CASK: variants seen among roughly 807,000 people sequenced by gnomAD.
CASK encodes the protein calcium/calmodulin dependent serine protein kinase, also known as peripheral plasma membrane protein CASK.
A neutral mutation model predicts 82.9 loss-of-function variants in CASK; 4 were observed. The observed-to-expected ratio is 0.05, with a 90% CI of 0.02 to 0.11. The LOEUF (loss-of-function observed/expected upper bound fraction) is 0.11. Among genes scored for constraint, CASK ranks in the 10% least tolerant of loss-of-function variants. The pLI is 1.00. For missense variants in CASK, 358 were observed against 720.9 expected (o/e 0.50, Z 5.76); for synonymous variants, 259 against 253.5 (o/e 1.02, Z -0.20).
At chrX:41,605,441 CAA>C (rs1178495475) in intron 12 of CASK, among the ~76,000 whole-genome samples, 1 of 94,588 alleles carries the variant, frequency 1.1e-5, no homozygotes, top group Non-Finnish European at 2.1e-5. Context: ...CCTGTCTCTT[CAA>C]AAAAAAAAAA....
intron 12 of CASK, among the ~76,000 whole-genome samples, chrX:41,592,703 G>C (rs2065764362): frequency 9.0e-6 from 1 of 111,431 alleles, no homozygotes; most frequent in African/African-American, 3.3e-5. Flanking sequence ...GCTAACTTTT[G>C]AGAGTACTAA....
At chrX:41,890,269 A>G (rs1027323374) in intron 1 of CASK, among the ~76,000 whole-genome samples, 4 of 108,394 alleles carry the variant, frequency 3.7e-5, no homozygotes, top group Non-Finnish European at 7.6e-5. Flanking sequence ...ATTCCACTCT[A>G]TGCTCTGCCT....
At chrX:41,813,875 A>T (rs1474806161) in intron 2 of CASK, among the ~76,000 whole-genome samples, 7 of 111,862 alleles carry the variant, frequency 6.3e-5, no homozygotes, top group African/African-American at 1.6e-4. Context: ...GAATCTACAA[A>T]TAACTCAAAC....
chrX:41,557,320 T>C (rs2065171511), intron 18 of CASK, among the ~76,000 whole-genome samples: 1 of 111,860 alleles, frequency 8.9e-6, no homozygotes, highest in Non-Finnish European at 1.9e-5. Context: ...CATTCATTAA[T>C]CAATTCTTTC....
chrX:41,684,312 T>C (rs942451084), intron 5 of CASK, among the ~76,000 whole-genome samples: 1 of 111,687 alleles, frequency 9.0e-6, no homozygotes, highest in East Asian at 2.8e-4. Flanking sequence ...CTTCCTGATA[T>C]GATGCATTGA....
intron 11 of CASK, among the ~76,000 whole-genome samples, chrX:41,617,418 G>A (rs1439192599): frequency 1.8e-5 from 2 of 112,250 alleles, no homozygotes; most frequent in African/African-American, 6.5e-5. Flanking sequence ...CTATTTTTAA[G>A]TTTCTGTAAT....
chrX:41,661,888 T>C (rs1175387878), intron 7 of CASK, among the ~76,000 whole-genome samples: 1 of 111,027 alleles, frequency 9.0e-6, no homozygotes, highest in East Asian at 2.9e-4. Flanking sequence ...AGGTAAGTGA[T>C]TAGACAGGGC....
chrX:41,772,771 G>A (rs752450020), intron 3 of CASK, among the ~76,000 whole-genome samples: 30 of 110,775 alleles, frequency 2.7e-4, no homozygotes, highest in East Asian at 5.7e-4. Context: ...AGGCCGAGGC[G>A]GGCGGATCAC....
chrX:41,884,985 T>A lies in CASK; in HGVS notation c.60-31758A>T, dbSNP rs1029897826. ...TCTGTTCCACATTGCCAAATTCAATTCTTGATACATACAGAATCCTGTAAC... is the reference window on the plus strand; with the variant it reads ...TCTGTTCCACATTGCCAAATTCAATACTTGATACATACAGAATCCTGTAAC... On this transcript the variant is annotated intron_variant, in intron 1 of 26. Coordinates refer to ENST00000378163, the MANE Select transcript of CASK (RefSeq NM_001367721.1). Among the ~76,000 whole-genome samples, 16 of 112,352 alleles carry A rather than the reference T, an allele frequency of 1.4e-4. No individual in the cohort carries two copies. The Admixed American group carries it at 1.5e-3, about 11-fold the overall frequency.
chrX:41,781,037 C>T (rs1372260222), intron 3 of CASK, among the ~76,000 whole-genome samples: 1 of 107,671 alleles, frequency 9.3e-6, no homozygotes, highest in Non-Finnish European at 1.9e-5. Flanking sequence ...GCCTCTGTGG[C>T]TCAAGTAATT....
intron 3 of CASK, among the ~76,000 whole-genome samples, chrX:41,785,945 T>A (rs2069589768): frequency 8.9e-6 from 1 of 112,230 alleles, no homozygotes; most frequent in South Asian, 3.7e-4. Flanking sequence ...CTTGCTCTGA[T>A]GAAGCCAGCT....
intron 2 of CASK, among the ~76,000 whole-genome samples, chrX:41,799,948 C>A (rs1311784916): frequency 9.3e-6 from 1 of 107,868 alleles, no homozygotes; most frequent in African/African-American, 3.4e-5. Context: ...CGGCTCCATG[C>A]TGTGGAAGGC....
intron 3 of CASK, among the ~76,000 whole-genome samples, chrX:41,751,493 C>A (rs1433812523): frequency 2.8e-5 from 3 of 107,221 alleles, no homozygotes; most frequent in African/African-American, 1.0e-4. Flanking sequence ...AAGAGGTGAA[C>A]AAGAGCTGCT....
chrX:41,842,175 A>G (rs139614863), intron 2 of CASK, among the ~76,000 whole-genome samples: 5 of 111,825 alleles, frequency 4.5e-5, no homozygotes, highest in African/African-American at 1.6e-4. Context: ...AAATTATTTG[A>G]CTGTAAATAT....
intron 1 of CASK, among the ~76,000 whole-genome samples, chrX:41,912,584 G>A (rs1295159843): frequency 1.9e-5 from 2 of 107,709 alleles, no homozygotes. Flanking sequence ...CTGGGATTAC[G>A]GGCATAAGCC....
At chrX:41,874,238 G>A (rs2071768968) in intron 1 of CASK, among the ~76,000 whole-genome samples, 1 of 111,529 alleles carries the variant, frequency 9.0e-6, no homozygotes, top group African/African-American at 3.3e-5. Context: ...TAGCTACATA[G>A]GTAAACGTGT....
chrX:41,745,345 AT>A (rs1358171460), intron 4 of CASK, among the ~76,000 whole-genome samples, 178 bp downstream of exon 4: 1 of 111,950 alleles, frequency 8.9e-6, no homozygotes, highest in Non-Finnish European at 1.9e-5. Context: ...AGATAAACTC[AT>A]TGTTCGGTAT....
chrX:41,779,956 A>G (rs2069443447), intron 3 of CASK, among the ~76,000 whole-genome samples: 1 of 112,058 alleles, frequency 8.9e-6, no homozygotes, highest in African/African-American at 3.2e-5. Flanking sequence ...AAGATATAAA[A>G]GGTAAAAATA....
intron 1 of CASK, among the ~76,000 whole-genome samples, chrX:41,881,244 C>T (rs1300138165): frequency 9.0e-6 from 1 of 111,520 alleles, no homozygotes; most frequent in Non-Finnish European, 1.9e-5. Flanking sequence ...CTGCAGTATA[C>T]TAGTAGAAAG....
Sources: gnomAD v4.1 joint callset for allele counts (sites outside exome capture counted in the v4.1 genomes callset) on GRCh38, gnomAD v4.1.1 for gene constraint, MANE v1.5 for transcripts, NCBI Gene and HGNC (gene_info 2026-07-23, HGNC 2026-07-21) for gene names.